The following RAI1 variants were observed in gnomAD, a reference collection of about 807,000 sequenced individuals.
RAI1 encodes the protein retinoic acid induced 1, also known as retinoic acid-induced protein 1.
A neutral mutation model predicts 123.8 loss-of-function variants in RAI1; 9 were observed. That is an observed-to-expected ratio of 0.07 (90% CI 0.04 to 0.13). The LOEUF is 0.13. Among genes scored for constraint, RAI1 ranks in the 10% least tolerant of loss-of-function variants. The probability of loss-of-function intolerance (pLI) is 1.00; values close to 1 mark genes in which losing one functional copy is unlikely to be tolerated. For missense variants in RAI1, 2,256 were observed against 2,545.8 expected, an observed-to-expected ratio of 0.89 and a Z score of 2.45; for synonymous variants, 1,231 against 1,127.3, an observed-to-expected ratio of 1.09 and a Z score of -1.84.
rs1302971872 is a variant in RAI1, at chr17:17,796,569, A to C, written c.3621A>C (p.Lys1207Asn). The C allele has an allele frequency of 1.2e-6, 2 of 1,611,306 alleles. No homozygotes were observed. The highest frequency in any genetic ancestry group is 2.2e-5 in the South Asian group (2 of 91,074). Residue 1207 changes from lysine to asparagine, a missense_variant, in exon 3 of 6, where the codon AAA becomes AAC. Around this residue, in one of 7 missense-constraint regions of RAI1, gnomAD observed 322 missense variants for 358.0 expected, o/e 0.90. Transcript: ENST00000353383. This position sits in a 1 kb window ranked among gnomAD's most constrained non-coding sequence, Gnocchi z 5.8. ...TGAGCCAGCGGGCAAGGGTCCCCAA[A>C]CCTGGTGCAGGCAGCAAGCTCTCTG... is the stretch of plus-strand genomic sequence containing the variant. Reference protein sequence around the residue: ...GRVSQRARVPKPGAGSKLSDR... With the variant: ...GRVSQRARVPNPGAGSKLSDR...
intron 2 of RAI1, among the ~76,000 whole-genome samples, chr17:17,756,721 C>T (rs2030452152): frequency 6.6e-6 from 1 of 152,074 alleles, no homozygotes; most frequent in East Asian, 1.9e-4. Flanking sequence ...CAAAATAGAC[C>T]AAAAATCCTC....
At chr17:17,782,651 G>T (rs999905134) in intron 2 of RAI1, among the ~76,000 whole-genome samples, 4 of 143,028 alleles carry the variant, frequency 2.8e-5, no homozygotes, top group Admixed American at 2.8e-4. Context: ...GACCCAGTGG[G>T]GACCGAAGCA....
At position 17,799,827 on chromosome 17, in the gene RAI1, C is replaced by T. The variant is rs1443029023; in HGVS notation, c.5565+1314C>T. Among the ~76,000 whole-genome samples the T allele has an allele frequency of 6.6e-6, 1 of 152,194 alleles. No individual in the cohort carries two copies. Among genetic ancestry groups the T allele is most frequent in the Non-Finnish European group, 1.5e-5 (1 of 68,026 alleles). Reference sequence around the variant, plus strand: ...CTGCCCACCTGCTCCTCGCAGTACACCCCTGCAGCCCCTCTGAGCAGCCCC... The same window carrying T: ...CTGCCCACCTGCTCCTCGCAGTACATCCCTGCAGCCCCTCTGAGCAGCCCC... On this transcript the variant is annotated intron_variant, in intron 3 of 5. Transcript: ENST00000353383. This position sits in a 1 kb window ranked among gnomAD's most constrained non-coding sequence, Gnocchi z 4.5.
At chr17:17,726,942 C>T (rs565902529) in intron 2 of RAI1, among the ~76,000 whole-genome samples, 1 of 152,248 alleles carries the variant, frequency 6.6e-6, no homozygotes, top group East Asian at 1.9e-4. Context: ...TTCATAAACA[C>T]CATGGTTAAT....
At chr17:17,691,931 T>A (rs1914851421) in intron 1 of RAI1, among the ~76,000 whole-genome samples, 1 of 152,148 alleles carries the variant, frequency 6.6e-6, no homozygotes, top group African/African-American at 2.4e-5. Flanking sequence ...AAACAATATT[T>A]TCATTTCAAA....
At position 17,771,260 on chromosome 17, in the gene RAI1, T is replaced by TTCCA. The variant is rs553683617; in HGVS notation, c.-16-21650_-16-21647dup. On this transcript the variant is annotated intron_variant, in intron 2 of 5. Transcript: ENST00000353383. Reference sequence around the variant, plus strand: ...GCAGTGGCTTTGCTTGGGGTTAGAATTCCATCCATCCATCCATCCATCCAT... The same window carrying TTCCA: ...GCAGTGGCTTTGCTTGGGGTTAGAATTCCATCCATCCATCCATCCATCCATCCAT... Among the ~76,000 whole-genome samples the TTCCA allele has an allele frequency of 3.3e-3, 504 of 152,284 alleles. 26 individuals carry two copies. The South Asian group carries it at 0.09, about 27-fold the overall frequency.
intron 1 of RAI1, among the ~76,000 whole-genome samples, chr17:17,716,775 T>TGG (rs1045509750): frequency 6.6e-6 from 1 of 152,048 alleles, no homozygotes; most frequent in African/African-American, 2.4e-5. Flanking sequence ...GCCTCCTGTG[T>TGG]GGTGCTGCTG....
At chr17:17,750,482 G>A (rs543741160) in intron 2 of RAI1, among the ~76,000 whole-genome samples, 1 of 152,218 alleles carries the variant, frequency 6.6e-6, no homozygotes, top group African/African-American at 2.4e-5. Context: ...AGCACTTTGG[G>A]AGGCCGAGGC....
chr17:17,797,024 C>T lies in RAI1; in HGVS notation c.4076C>T (p.Pro1359Leu). 1 of 1,613,896 alleles carries T rather than the reference C, an allele frequency of 6.2e-7. No homozygotes were observed. Among genetic ancestry groups the T allele is most frequent in the Non-Finnish European group, 8.5e-7 (1 of 1,180,034 alleles). The change falls in exon 3 of 6, where the codon CCA (proline) becomes CTA (leucine). Residue 1359 changes from proline to leucine, a missense_variant. Coordinates refer to ENST00000353383, the MANE Select transcript of RAI1 (RefSeq NM_030665.4). ...PGASPGNPLSPSLSDKDRGLK... is the reference protein window; with the variant it reads ...PGASPGNPLSLSLSDKDRGLK... Reference sequence around the variant, plus strand: ...GCCTCTCCTGGTAATCCTCTGAGCCCATCCCTTTCCGACAAAGACCGTGGG... The same window carrying T: ...GCCTCTCCTGGTAATCCTCTGAGCCTATCCCTTTCCGACAAAGACCGTGGG...
Position 17,794,261 on chromosome 17 carries a change from T to C in RAI1, c.1313T>C (p.Leu438Pro), listed in dbSNP as rs755771500. The change falls in exon 3 of 6, where the codon CTG (leucine) becomes CCG (proline). Residue 438 changes from leucine to proline, a missense_variant. Around this residue, in one of 7 missense-constraint regions of RAI1, gnomAD observed 357 missense variants for 480.2 expected, o/e 0.74. Coordinates refer to ENST00000353383, the MANE Select transcript of RAI1 (RefSeq NM_030665.4). ...SDLSLQSLTA[L>P]TSQVENISNT... ...CTCAGCCTGCAGAGCCTCACGGCGC[T>C]GACCTCACAGGTGGAGAACATCTCC... 4 of 1,613,322 alleles carry C rather than the reference T, an allele frequency of 2.5e-6. No homozygotes were observed. Among genetic ancestry groups the C allele is most frequent in the Non-Finnish European group, 2.5e-6 (3 of 1,180,040 alleles).
At chr17:17,693,806 G>C (rs1914917523) in intron 1 of RAI1, among the ~76,000 whole-genome samples, 1 of 152,238 alleles carries the variant, frequency 6.6e-6, no homozygotes, top group South Asian at 2.1e-4. Flanking sequence ...AGGAACGGGA[G>C]ACCAGGCCAT....
chr17:17,698,630 T>C (rs1915113084), intron 1 of RAI1, among the ~76,000 whole-genome samples: 1 of 152,220 alleles, frequency 6.6e-6, no homozygotes, highest in Non-Finnish European at 1.5e-5. Context: ...AGCTGAGCCC[T>C]TCCCCTGCCT....
chr17:17,796,977 G>A lies in RAI1; in HGVS notation c.4029G>A (p.Lys1343=). 3 of 1,613,830 alleles carry A rather than the reference G, an allele frequency of 1.9e-6. No individual in the cohort carries two copies. Among genetic ancestry groups the A allele is most frequent in the Non-Finnish European group, 2.5e-6 (3 of 1,180,040 alleles). ...VQKITSPSLK[K]FACKAPGASP... Reference sequence around the variant, plus strand: ...AGATCACCTCGCCCAGCCTCAAGAAGTTCGCATGTAAAGCGCCAGGGGCCT... The same window carrying A: ...AGATCACCTCGCCCAGCCTCAAGAAATTCGCATGTAAAGCGCCAGGGGCCT... Residue 1343 remains lysine, a synonymous_variant, in exon 3 of 6, where the codon AAG becomes AAA. Coordinates refer to ENST00000353383, the MANE Select transcript of RAI1 (RefSeq NM_030665.4). The surrounding 1 kb of genome is among the most constrained non-coding windows in gnomAD (Gnocchi z 5.8).
Position 17,799,466 on chromosome 17 carries a change from G to A in RAI1, c.5565+953G>A, listed in dbSNP as rs1007040866. ...GGGCGGTGGGGTGCACCTCTCCCCC[G>A]GGGCCATGCTTCTGCCCCCACATTC... On this transcript the variant is annotated intron_variant, in intron 3 of 5. Coordinates refer to ENST00000353383, the MANE Select transcript of RAI1 (RefSeq NM_030665.4). This position sits in a 1 kb window ranked among gnomAD's most constrained non-coding sequence, Gnocchi z 4.5. 6.6e-6 allele frequency among the ~76,000 whole-genome samples: 1 copy of A among 152,098 alleles called. No homozygotes were observed. The highest frequency in any genetic ancestry group is 6.5e-5 in the Admixed American group (1 of 15,274).
At chr17:17,785,590 G>A (rs189459841) in intron 2 of RAI1, among the ~76,000 whole-genome samples, 2 of 152,270 alleles carry the variant, frequency 1.3e-5, no homozygotes, top group East Asian at 1.9e-4. Flanking sequence ...GTGGCGCCTC[G>A]CCCGGTGTCT....
chr17:17,752,346 G>T (rs967778688), intron 2 of RAI1, among the ~76,000 whole-genome samples: 1 of 152,210 alleles, frequency 6.6e-6, no homozygotes, highest in Non-Finnish European at 1.5e-5. Context: ...GCGGGGCGGG[G>T]TGAGCGGAAA....
At chr17:17,681,903 A>G in intron 1 of RAI1, 110 bp downstream of exon 1, 1 of 220,112 alleles carries the variant, frequency 4.5e-6, no homozygotes, top group Non-Finnish European at 8.8e-6. Context: ...GCGGGTTCGG[A>G]CGCCGAGCGC....
chr17:17,689,654 G>A (rs1050384653), intron 1 of RAI1, among the ~76,000 whole-genome samples: 3 of 152,204 alleles, frequency 2.0e-5, no homozygotes, highest in African/African-American at 7.2e-5. Flanking sequence ...CTTTGCCTGG[G>A]TTCAGATCCA....
At chr17:17,695,527 C>T (rs1303731481) in intron 1 of RAI1, among the ~76,000 whole-genome samples, 1 of 126,578 alleles carries the variant, frequency 7.9e-6, no homozygotes, top group East Asian at 2.0e-4. Context: ...GTCTTTCTCT[C>T]TCTCTTTTTT....
Sources: gnomAD v4.1 joint callset for allele counts (sites outside exome capture counted in the v4.1 genomes callset) on GRCh38, gnomAD v4.1.1 for gene constraint, gnomAD v4.1.1 regional missense constraint, Gnocchi (gnomAD v3.1) non-coding constraint, MANE v1.5 for transcripts, NCBI Gene and HGNC (gene_info 2026-07-23, HGNC 2026-07-21) for gene names.